PGCKA1: variants seen among roughly 807,000 people sequenced by gnomAD.
PGCKA1 encodes PDCD10 and GCKIII kinases associated 1, also known as PDCD10 and GCKIII kinases-associated protein 1.
the PGCKA1 span, among the ~76,000 whole-genome samples, chr4:37,564,274 C>CAAAA: frequency 2.2e-5 from 1 of 44,792 alleles, no homozygotes; most frequent in Non-Finnish European, 4.6e-5. Flanking sequence ...GACTCTGTCT[C>CAAAA]AAAAAAAAAA....
the PGCKA1 span, among the ~76,000 whole-genome samples, chr4:37,571,800 T>G: frequency 2.0e-5 from 3 of 151,706 alleles, no homozygotes; most frequent in East Asian, 5.9e-4. Context: ...GCCTCCCAAA[T>G]TTTGTATTTT....
At chr4:37,466,133 T>C in the PGCKA1 span, among the ~76,000 whole-genome samples, 2 of 152,174 alleles carry the variant, frequency 1.3e-5, no homozygotes, top group African/African-American at 4.8e-5. Flanking sequence ...AAAAATAACT[T>C]CTAACATCCA....
the PGCKA1 span, among the ~76,000 whole-genome samples, chr4:37,508,886 G>C: frequency 0.48 from 60,270 of 124,874 alleles, 13,374 homozygotes; most frequent in African/African-American, 0.54. Flanking sequence ...TGACTCTTAA[G>C]GAGCATGCTG....
the PGCKA1 span, among the ~76,000 whole-genome samples, chr4:37,519,051 G>A: frequency 6.6e-6 from 1 of 152,192 alleles, no homozygotes; most frequent in East Asian, 1.9e-4. Context: ...TATGTTCTTG[G>A]CACCTTTGTC....
the PGCKA1 span, among the ~76,000 whole-genome samples, chr4:37,455,190 A>C: frequency 2.8e-4 from 42 of 152,188 alleles, no homozygotes; most frequent in African/African-American, 1.0e-3. Context: ...TTTGTTGCCT[A>C]CCCCTCCCCC....
the PGCKA1 span, chr4:37,588,715 T>C: frequency 1.6e-6 from 1 of 644,810 alleles, no homozygotes; most frequent in South Asian, 1.9e-5. Flanking sequence ...ACCCACGTGG[T>C]AGTTATCCTT....
the PGCKA1 span, among the ~76,000 whole-genome samples, chr4:37,498,821 CTCT>C: frequency 6.6e-6 from 1 of 152,110 alleles, no homozygotes; most frequent in Non-Finnish European, 1.5e-5. Flanking sequence ...CTTTATTTCT[CTCT>C]TCCCTGATTG....
the PGCKA1 span, among the ~76,000 whole-genome samples, chr4:37,530,949 C>T: frequency 3.3e-5 from 5 of 152,100 alleles, no homozygotes; most frequent in Non-Finnish European, 7.4e-5. Context: ...AGTGCCACTG[C>T]ACTCCAGCCT....
chr4:37,576,076 T>C, the PGCKA1 span, among the ~76,000 whole-genome samples: 1 of 152,176 alleles, frequency 6.6e-6, no homozygotes, highest in Non-Finnish European at 1.5e-5. Flanking sequence ...TTGGCTAGTC[T>C]GAGTCTTTTG....
the PGCKA1 span, among the ~76,000 whole-genome samples, chr4:37,459,531 CTA>C: frequency 6.6e-6 from 1 of 152,178 alleles, no homozygotes; most frequent in Non-Finnish European, 1.5e-5. Flanking sequence ...TCTCAAAAAA[CTA>C]TTCCTTTTCC....
the PGCKA1 span, among the ~76,000 whole-genome samples, chr4:37,513,805 A>C: frequency 6.6e-6 from 1 of 152,184 alleles, no homozygotes; most frequent in African/African-American, 2.4e-5. Flanking sequence ...GTGATATTTG[A>C]GGAAAATGTC....
At chr4:37,474,004 C>T in the PGCKA1 span, among the ~76,000 whole-genome samples, 1 of 152,194 alleles carries the variant, frequency 6.6e-6, no homozygotes, top group East Asian at 1.9e-4. Context: ...CAGCTGATGA[C>T]ATCATCAAGT....
chr4:37,583,192 C>T, the PGCKA1 span, among the ~76,000 whole-genome samples: 1 of 152,254 alleles, frequency 6.6e-6, no homozygotes, highest in Non-Finnish European at 1.5e-5. Context: ...TTAAAATGTC[C>T]CTGTCATTCT....
At chr4:37,459,263 A>C in the PGCKA1 span, among the ~76,000 whole-genome samples, 1 of 152,236 alleles carries the variant, frequency 6.6e-6, no homozygotes, top group Non-Finnish European at 1.5e-5. Flanking sequence ...CAGTGTGCAC[A>C]CATGTTATTT....
chr4:37,483,227 T>C, the PGCKA1 span, among the ~76,000 whole-genome samples: 4 of 152,224 alleles, frequency 2.6e-5, no homozygotes, highest in African/African-American at 9.6e-5. Flanking sequence ...CCTTCTTTCA[T>C]GATTGTAAGT....
At chr4:37,557,901 T>C in the PGCKA1 span, 1 of 152,188 alleles carries the variant, frequency 6.6e-6, no homozygotes, top group African/African-American at 2.4e-5. Context: ...AGCCAGGAAC[T>C]CCTTCCCCAC....
chr4:37,502,225 T>A, the PGCKA1 span, among the ~76,000 whole-genome samples: 1 of 152,188 alleles, frequency 6.6e-6, no homozygotes, highest in Non-Finnish European at 1.5e-5. Context: ...ACGGCGGCAG[T>A]GCAACGGGGT....
At chr4:37,513,153 A>G in the PGCKA1 span, among the ~76,000 whole-genome samples, 1 of 152,054 alleles carries the variant, frequency 6.6e-6, no homozygotes, top group Non-Finnish European at 1.5e-5. Flanking sequence ...AACAAAGATC[A>G]CAGAGACTCT....
chr4:37,502,052 A>G, the PGCKA1 span, among the ~76,000 whole-genome samples: 683 of 152,238 alleles, frequency 4.5e-3, 5 homozygotes, highest in African/African-American at 0.015. Flanking sequence ...TCAGACCCCA[A>G]CTTTGTTCTC....
Sources: gnomAD v4.1 joint callset for allele counts (sites outside exome capture counted in the v4.1 genomes callset) on GRCh38, gnomAD v4.1.1 for gene constraint, MANE v1.5 for transcripts, NCBI Gene and HGNC (gene_info 2026-07-23, HGNC 2026-07-21) for gene names.